Variants in ATXN7 observed in about 807,000 individuals in gnomAD.
ATXN7 encodes ataxin 7.
ATXN7 carries 12 observed loss-of-function variants against 70.5 expected under a neutral mutation model. The observed-to-expected ratio is 0.17, with a 90% CI of 0.11 to 0.28. The LOEUF (loss-of-function observed/expected upper bound fraction) is 0.28. ATXN7 is among the 10% of genes least tolerant of loss of function. ATXN7 has a pLI of 1.00. For synonymous variants in ATXN7, 498 were observed against 448.7 expected (o/e 1.11, Z -1.39); for missense variants, 1,256 against 1,131.7 (o/e 1.11, Z -1.58).
intron 1 of ATXN7, among the ~76,000 whole-genome samples, chr3:63,879,943 G>A (rs891639608): frequency 6.6e-6 from 1 of 151,738 alleles, no homozygotes; most frequent in Non-Finnish European, 1.5e-5. Context: ...AAAATTAGCC[G>A]GGTGTGGTGG....
intron 5 of ATXN7, among the ~76,000 whole-genome samples, chr3:63,965,400 C>G (rs2075203121): frequency 1.3e-5 from 2 of 152,130 alleles, no homozygotes; most frequent in Admixed American, 6.5e-5. Context: ...CTTGAGTGTT[C>G]CTCCTAGCCT....
At chr3:63,979,854 A>G in intron 5 of ATXN7, 61 bp from the exon 6 acceptor site, 1 of 1,598,498 alleles carries the variant, frequency 6.3e-7, no homozygotes, top group Non-Finnish European at 8.5e-7. Context: ...GAATTCTTCC[A>G]GAATTACATT....
chr3:63,993,451 C>CAA (rs571461104), intron 11 of ATXN7, among the ~76,000 whole-genome samples: 7 of 117,218 alleles, frequency 6.0e-5, no homozygotes, highest in East Asian at 4.9e-4. Flanking sequence ...GACTCCGTCT[C>CAA]AAAAAAAAAA....
rs768825154 is a variant in ATXN7, at chr3:63,999,459, C to T, written c.2671C>T (p.Arg891Cys). The T allele has an allele frequency of 1.1e-5, 17 of 1,613,754 alleles. No individual in the cohort carries two copies. The highest frequency in any genetic ancestry group is 1.3e-5 in the African/African-American group (1 of 74,886). ...NSSLLHQPKA[R>C]P Reference sequence around the variant, plus strand: ...CCCTCTTTTTTGAAAGCCAAAGGCACGTCCCTGACAGCTGAAAATAGCACG... The same window carrying T: ...CCCTCTTTTTTGAAAGCCAAAGGCATGTCCCTGACAGCTGAAAATAGCACG... Residue 891 changes from arginine to cysteine, a missense_variant, in exon 13 of 13, where the codon CGT (arginine) becomes TGT (cysteine). Transcript: ENST00000674280.
chr3:63,963,767 C>G (rs1575958509), intron 5 of ATXN7, among the ~76,000 whole-genome samples: 1 of 152,124 alleles, frequency 6.6e-6, no homozygotes, highest in Non-Finnish European at 1.5e-5. Flanking sequence ...TATGGACATT[C>G]ATTTTGTTTC....
At chr3:63,901,055 G>T (rs545174090) in intron 2 of ATXN7, 13 of 152,306 alleles carry the variant, frequency 8.5e-5, no homozygotes, top group African/African-American at 3.1e-4. Context: ...TTCTCTTATG[G>T]TCACTGGGGA....
At chr3:63,864,931 T>A (rs1702361966) in intron 1 of ATXN7, 1 of 152,186 alleles carries the variant, frequency 6.6e-6, no homozygotes, top group Non-Finnish European at 1.5e-5. Flanking sequence ...CAGGCACCAG[T>A]GCAGCTGATT....
intron 1 of ATXN7, among the ~76,000 whole-genome samples, chr3:63,887,266 A>G (rs1703117227): frequency 6.6e-6 from 1 of 152,214 alleles, no homozygotes; most frequent in Non-Finnish European, 1.5e-5. Context: ...CCTAGTGGAA[A>G]TGACTTACAC....
intron 5 of ATXN7, among the ~76,000 whole-genome samples, chr3:63,963,342 C>T (rs1410218426): frequency 2.6e-5 from 4 of 152,118 alleles, no homozygotes; most frequent in Non-Finnish European, 4.4e-5. Context: ...ACACCTATAA[C>T]GTATTTTTAT....
chr3:63,878,609 A>G (rs1702816571), intron 1 of ATXN7: 1 of 152,236 alleles, frequency 6.6e-6, no homozygotes, highest in African/African-American at 2.4e-5. Flanking sequence ...ATGGTTTAAG[A>G]GACTTTAAAT....
At chr3:63,903,647 A>G (rs535940921) in intron 2 of ATXN7, 9 of 152,178 alleles carry the variant, frequency 5.9e-5, no homozygotes, top group Non-Finnish European at 1.0e-4. Flanking sequence ...GAACATATTA[A>G]TTTATTGACT....
At chr3:63,931,643 T>C (rs1704967324) in intron 4 of ATXN7, among the ~76,000 whole-genome samples, 1 of 152,220 alleles carries the variant, frequency 6.6e-6, no homozygotes, top group African/African-American at 2.4e-5. Context: ...TATTTTTTTA[T>C]TTTTTCAAAT....
At chr3:63,979,391 C>T (rs1319831830) in intron 5 of ATXN7, among the ~76,000 whole-genome samples, 2 of 152,120 alleles carry the variant, frequency 1.3e-5, no homozygotes, top group East Asian at 1.9e-4. Flanking sequence ...TAAGATAACC[C>T]TAGAAACATT....
At chr3:63,982,834 C>T (rs1286516549) in intron 7 of ATXN7, 105 bp from the exon 8 acceptor site, 3 of 875,706 alleles carry the variant, frequency 3.4e-6, no homozygotes, top group Non-Finnish European at 5.5e-6. Flanking sequence ...GGCTTTTATT[C>T]CAGCTATAAT....
At chr3:63,938,314 G>C (rs780520948) in intron 4 of ATXN7, among the ~76,000 whole-genome samples, 6 of 152,160 alleles carry the variant, frequency 3.9e-5, no homozygotes, top group Admixed American at 2.0e-4. Context: ...GAAATAAGCA[G>C]ATGAACTAAC....
At chr3:63,956,511 A>C (rs934111257) in intron 5 of ATXN7, among the ~76,000 whole-genome samples, 1 of 151,836 alleles carries the variant, frequency 6.6e-6, no homozygotes. Context: ...TGGATCCCAA[A>C]CCTGCTGTGC....
At chr3:63,964,073 A>C (rs1011590085) in intron 5 of ATXN7, among the ~76,000 whole-genome samples, 1 of 147,080 alleles carries the variant, frequency 6.8e-6, no homozygotes, top group Non-Finnish European at 1.5e-5. Context: ...TAGACACATA[A>C]ACACACACAC....
intron 1 of ATXN7, chr3:63,866,914 G>T (rs753741046): frequency 2.7e-5 from 4 of 150,110 alleles, no homozygotes. Flanking sequence ...CTTTGAACTT[G>T]TATGACCTTA....
chr3:63,990,002 G>T (rs1364451535), intron 9 of ATXN7, among the ~76,000 whole-genome samples, 174 bp from the exon 10 acceptor site: 1 of 152,192 alleles, frequency 6.6e-6, no homozygotes, highest in Non-Finnish European at 1.5e-5. Flanking sequence ...CTGCAGTTCA[G>T]GAGAGAGGTT....
Sources: gnomAD v4.1 joint callset for allele counts (sites outside exome capture counted in the v4.1 genomes callset) on GRCh38, gnomAD v4.1.1 for gene constraint, MANE v1.5 for transcripts, NCBI Gene and HGNC (gene_info 2026-07-23, HGNC 2026-07-21) for gene names.